PERM1: variants seen among roughly 807,000 people sequenced by gnomAD.
PERM1 encodes PPARGC1 and ESRR induced regulator, muscle 1.
PERM1 carries 45 observed loss-of-function variants against 44.1 expected under a neutral mutation model. The ratio of observed to expected loss-of-function variants is 1.02; its 90% confidence interval spans 0.80 to 1.31. The LOEUF (loss-of-function observed/expected upper bound fraction) is 1.31, where lower values mean the gene tolerates loss of function less well. PERM1 is among the 50% of genes most tolerant of loss of function. PERM1 has a pLI of 0.00. For synonymous variants in PERM1, 565 were observed against 477.1 expected, an observed-to-expected ratio of 1.18 and a Z score of -2.40; for missense variants, 1,189 against 1,106.9, an observed-to-expected ratio of 1.07 and a Z score of -1.05.
At chr1:980,715 C>T (rs1038313914) in exon 1 of PERM1, 224 of 1,419,410 alleles carry the variant, frequency 1.6e-4, no homozygotes, top group Non-Finnish European at 2.0e-4. Context: ...CCCGTGCGGA[C>T]GTGCTGGGTG....
chr1:980,206 G>A, exon 1 of PERM1: 1 of 1,550,452 alleles, frequency 6.4e-7, no homozygotes, highest in Admixed American at 2.0e-5. Flanking sequence ...GTGCAGCTTG[G>A]CTCGGCGCGG....
chr1:979,229 C>T (rs530598116), exon 1 of PERM1: 48 of 1,550,114 alleles, frequency 3.1e-5, no homozygotes, highest in Non-Finnish European at 4.0e-5. Flanking sequence ...CCGGCCGCTG[C>T]CGCCTCAGCC....
At chr1:976,319 C>G in intron 2 of PERM1, 50 bp from the exon 4 acceptor site, 5 of 1,467,320 alleles carry the variant, frequency 3.4e-6, no homozygotes, top group East Asian at 5.0e-5. Context: ...CTGTCGGCAC[C>G]GTCTGCCCGC....
chr1:981,749 C>T (rs934796885), upstream of PERM1, among the ~76,000 whole-genome samples: 3 of 152,264 alleles, frequency 2.0e-5, no homozygotes, highest in Admixed American at 2.0e-4. Context: ...GGGCCGTCCT[C>T]GAGGTCTGCA....
At chr1:976,391 G>T in intron 2 of PERM1, 108 bp downstream of exon 3, 2 of 1,515,496 alleles carry the variant, frequency 1.3e-6, no homozygotes, top group Non-Finnish European at 1.8e-6. Flanking sequence ...TCAGCCTGGG[G>T]GGAGCAGGTC....
chr1:975,701 C>T (rs962467926), exon 3 of PERM1: 2 of 161,020 alleles, frequency 1.2e-5, no homozygotes, highest in East Asian at 1.9e-4. Flanking sequence ...CTCTCCCCTG[C>T]CTCTGCCCAG....
chr1:976,241 A>G (rs981355402), exon 3 of PERM1: 9 of 1,535,900 alleles, frequency 5.9e-6, no homozygotes, highest in Admixed American at 2.1e-5. Flanking sequence ...AGCGGATGGC[A>G]GAGATGGTGC....
chr1:979,124 G>C (rs1226097548), exon 1 of PERM1: 5 of 1,549,876 alleles, frequency 3.2e-6, no homozygotes, highest in Non-Finnish European at 3.5e-6. Context: ...CTCGGGAGCG[G>C]CTCCGGGGAC....
At chr1:976,738 C>T in intron 1 of PERM1, 114 bp from the exon 3 acceptor site, 1 of 923,238 alleles carries the variant, frequency 1.1e-6, no homozygotes, top group Non-Finnish European at 1.5e-6. Context: ...CCGCCTCCCA[C>T]TCCCCCCGCC....
exon 3 of PERM1, chr1:975,255 C>T (rs893591724): frequency 6.6e-6 from 1 of 152,442 alleles, no homozygotes; most frequent in Admixed American, 6.5e-5. Context: ...TGCTCAGCAG[C>T]CAGGGTCTCC....
chr1:978,855 G>C (rs565368985), intron 1 of PERM1, 26 bp downstream of exon 2: 1 of 1,449,248 alleles, frequency 6.9e-7, no homozygotes, highest in Non-Finnish European at 9.1e-7. Flanking sequence ...GGATCTGGAC[G>C]GGCTGTGGGA....
intron 2 of PERM1, 89 bp from the exon 4 acceptor site, chr1:976,358 G>A: frequency 1.4e-6 from 2 of 1,478,970 alleles, no homozygotes; most frequent in Non-Finnish European, 1.8e-6. Flanking sequence ...GGCGGGCAAG[G>A]TCGGTGCGGC....
chr1:981,165 A>G (rs1643785560), upstream of PERM1: 1 of 1,548,398 alleles, frequency 6.5e-7, no homozygotes, highest in South Asian at 1.2e-5. Context: ...TCGGGGCTCC[A>G]TCCATGCCCT....
exon 1 of PERM1, chr1:980,309 T>G: frequency 6.5e-7 from 1 of 1,550,324 alleles, no homozygotes; most frequent in South Asian, 1.2e-5. Context: ...ACAGGGGACC[T>G]GGGGCCAGGC....
intron 1 of PERM1, 30 bp downstream of exon 2, chr1:978,851 G>C: frequency 6.9e-7 from 1 of 1,446,072 alleles, no homozygotes; most frequent in Non-Finnish European, 9.1e-7. Context: ...CCTGGGATCT[G>C]GACGGGCTGT....
At chr1:976,135 C>T in exon 3 of PERM1, 1 of 1,539,580 alleles carries the variant, frequency 6.5e-7, no homozygotes, top group Non-Finnish European at 8.8e-7. Flanking sequence ...CTGTGGTCGT[C>T]TCCTCATCCT....
At chr1:979,682 GAAC>G in exon 1 of PERM1, 1 of 1,550,316 alleles carries the variant, frequency 6.5e-7, no homozygotes, top group Non-Finnish European at 8.7e-7. Flanking sequence ...TCGGCTCTGG[GAAC>G]AGGTGTAGAC....
chr1:982,077 G>T (rs995641434), upstream of PERM1: 1 of 1,287,898 alleles, frequency 7.8e-7, no homozygotes, highest in Admixed American at 2.3e-5. Context: ...GGGTCCCGGC[G>T]GCCGAGCTGG....
chr1:978,961 GACC>G (rs1643701783), exon 1 of PERM1: 1 of 1,507,088 alleles, frequency 6.6e-7, no homozygotes, highest in African/African-American at 1.4e-5. Flanking sequence ...CTCGGAGGCC[GACC>G]GGGGAGGCTC....
Sources: gnomAD v4.1 joint callset for allele counts (sites outside exome capture counted in the v4.1 genomes callset) on GRCh38, gnomAD v4.1.1 for gene constraint, MANE v1.5 for transcripts, NCBI Gene and HGNC (gene_info 2026-07-23, HGNC 2026-07-21) for gene names.